Variants in THSD7B observed in about 807,000 individuals in gnomAD.
THSD7B encodes thrombospondin type 1 domain containing 7B.
Under a neutral mutation model 213.6 loss-of-function variants are expected in THSD7B, and 138 were observed. That is an observed-to-expected ratio of 0.65 (90% CI 0.56 to 0.74). The LOEUF (loss-of-function observed/expected upper bound fraction) is 0.74, where lower values mean the gene tolerates loss of function less well. THSD7B is among the 30% of genes least tolerant of loss of function. The pLI, the probability that THSD7B is intolerant of heterozygous loss-of-function variation, is 0.00. For synonymous variants in THSD7B, 742 were observed against 687.0 expected (o/e 1.08, Z -1.25); for missense variants, 1,931 against 1,991.5 (o/e 0.97, Z 0.58).
At chr2:137,556,336 C>A (rs1424586404) in intron 15 of THSD7B, among the ~76,000 whole-genome samples, 35 of 151,984 alleles carry the variant, frequency 2.3e-4, no homozygotes. Flanking sequence ...AGACTAACAG[C>A]TGATCTCTCA....
At chr2:137,434,495 C>G (rs1450076656) in intron 14 of THSD7B, among the ~76,000 whole-genome samples, 1 of 152,174 alleles carries the variant, frequency 6.6e-6, no homozygotes, top group Non-Finnish European at 1.5e-5. Flanking sequence ...GCCCAGACCT[C>G]CTGGGCAAAG....
At chr2:137,190,296 C>A (rs187850372) in intron 7 of THSD7B, among the ~76,000 whole-genome samples, 3 of 152,084 alleles carry the variant, frequency 2.0e-5, no homozygotes, top group African/African-American at 7.2e-5. Context: ...ATGTACCAGG[C>A]GCTTAGTGCA....
chr2:136,866,235 T>C (rs1239545736), intron 1 of THSD7B, among the ~76,000 whole-genome samples: 2 of 152,138 alleles, frequency 1.3e-5, no homozygotes, highest in African/African-American at 4.8e-5. Flanking sequence ...TGTATTTAGA[T>C]TGTCATTTTT....
intron 12 of THSD7B, among the ~76,000 whole-genome samples, chr2:137,311,528 A>T (rs2104861990): frequency 6.6e-6 from 1 of 152,172 alleles, no homozygotes; most frequent in South Asian, 2.1e-4. Flanking sequence ...CCTGAACAGA[A>T]CTTCCAACAC....
At chr2:137,483,838 G>T (rs1283607225) in intron 15 of THSD7B, among the ~76,000 whole-genome samples, 1 of 152,082 alleles carries the variant, frequency 6.6e-6, no homozygotes, top group Admixed American at 6.5e-5. Context: ...TCATTTCGGA[G>T]ACAGAATTTA....
intron 1 of THSD7B, among the ~76,000 whole-genome samples, chr2:136,859,179 T>C (rs1683222674): frequency 6.6e-6 from 1 of 152,248 alleles, no homozygotes; most frequent in African/African-American, 2.4e-5. Flanking sequence ...CCAGGAGTCA[T>C]AAGTCTTCAC....
At chr2:137,201,552 A>G (rs1680875861) in intron 7 of THSD7B, among the ~76,000 whole-genome samples, 1 of 152,198 alleles carries the variant, frequency 6.6e-6, no homozygotes, top group Non-Finnish European at 1.5e-5. Flanking sequence ...TACATATATT[A>G]AAACACATTG....
At chr2:137,122,943 C>A (rs567663764) in intron 5 of THSD7B, among the ~76,000 whole-genome samples, 2 of 152,230 alleles carry the variant, frequency 1.3e-5, no homozygotes, top group South Asian at 2.1e-4. Flanking sequence ...ATACTGGTCA[C>A]CTTGCTGCTA....
At chr2:136,965,938 T>A (rs1328923122) in intron 2 of THSD7B, among the ~76,000 whole-genome samples, 1 of 152,214 alleles carries the variant, frequency 6.6e-6, no homozygotes, top group Non-Finnish European at 1.5e-5. Flanking sequence ...CTCTCACTTC[T>A]CTGCACATAT....
chr2:137,242,347 A>G (rs1270091742), intron 9 of THSD7B, 110 bp from the exon 10 acceptor site: 1 of 773,682 alleles, frequency 1.3e-6, no homozygotes, highest in Non-Finnish European at 2.1e-6. Context: ...TCCCTCACCT[A>G]TTAAGGGAAC....
intron 12 of THSD7B, among the ~76,000 whole-genome samples, chr2:137,376,710 A>T (rs527971949): frequency 6.6e-6 from 1 of 152,352 alleles, no homozygotes; most frequent in South Asian, 2.1e-4. Context: ...TATAGGCAAT[A>T]GTCTGTAGAA....
At chr2:137,118,451 G>A (rs998085607) in intron 5 of THSD7B, among the ~76,000 whole-genome samples, 2 of 152,136 alleles carry the variant, frequency 1.3e-5, no homozygotes, top group African/African-American at 4.8e-5. Context: ...AAGTAGATAT[G>A]TCATATATTG....
intron 8 of THSD7B, among the ~76,000 whole-genome samples, chr2:137,231,872 T>C (rs1437391441): frequency 6.6e-6 from 1 of 152,186 alleles, no homozygotes; most frequent in Non-Finnish European, 1.5e-5. Context: ...ATTTCTTTCA[T>C]GCCCTCCCTT....
chr2:137,053,389 A>T (rs1687103750), intron 2 of THSD7B, among the ~76,000 whole-genome samples: 1 of 152,130 alleles, frequency 6.6e-6, no homozygotes, highest in African/African-American at 2.4e-5. Context: ...ATGCAGAAAA[A>T]ATTTTGCTGC....
At chr2:137,617,251 C>CTGA (rs1376761977) in intron 18 of THSD7B, among the ~76,000 whole-genome samples, 1 of 152,186 alleles carries the variant, frequency 6.6e-6, no homozygotes, top group Admixed American at 6.5e-5. Context: ...CTTTGAAACA[C>CTGA]TGATTTTACT....
chr2:137,415,153 T>A (rs1686764642), intron 14 of THSD7B, among the ~76,000 whole-genome samples: 1 of 152,174 alleles, frequency 6.6e-6, no homozygotes. Context: ...CTTCCCCCTT[T>A]TAAATCTTTA....
At chr2:136,987,258 C>CTCCTA (rs1286910372) in intron 2 of THSD7B, among the ~76,000 whole-genome samples, 2 of 152,180 alleles carry the variant, frequency 1.3e-5, no homozygotes, top group Non-Finnish European at 2.9e-5. Context: ...AGGACTGTGA[C>CTCCTA]TCCTACCCAA....
intron 12 of THSD7B, 84 bp from the exon 13 acceptor site, chr2:137,405,529 G>C: frequency 7.5e-7 from 1 of 1,326,602 alleles, no homozygotes; most frequent in Non-Finnish European, 1.0e-6. Context: ...TTTAAACATT[G>C]GGGGATTCTG....
intron 17 of THSD7B, among the ~76,000 whole-genome samples, chr2:137,608,338 G>A (rs1682225790): frequency 1.3e-5 from 2 of 150,460 alleles, no homozygotes; most frequent in African/African-American, 2.4e-5. Context: ...TACAATAACT[G>A]CAATCACAAT....
Sources: allele counts gnomAD v4.1 joint callset (sites outside exome capture counted in the v4.1 genomes callset), GRCh38; gene constraint gnomAD v4.1.1; transcripts MANE v1.5; gene names NCBI Gene and HGNC (gene_info 2026-07-23, HGNC 2026-07-21).